RBFOX1: variants seen among roughly 807,000 people sequenced by gnomAD.
The protein encoded by RBFOX1 is RNA binding fox-1 homolog 1, also known as RNA binding protein fox-1 homolog 1.
RBFOX1 carries 8 observed loss-of-function variants against 57.7 expected under a neutral mutation model. The observed-to-expected ratio is 0.14, with a 90% CI of 0.08 to 0.25. RBFOX1 has a LOEUF of 0.25. Ranked by LOEUF, RBFOX1 falls within the 10% of genes least tolerant of loss-of-function variation. The pLI is 1.00. For missense variants in RBFOX1, 611 were observed against 548.5 expected (o/e 1.11, Z -1.14); for synonymous variants, 326 against 222.4 (o/e 1.47, Z -4.15).
At chr16:6,830,714 C>T (rs922990521) in intron 3 of RBFOX1, among the ~76,000 whole-genome samples, 3 of 152,162 alleles carry the variant, frequency 2.0e-5, no homozygotes, top group African/African-American at 7.2e-5. Context: ...GTTGCTCTAT[C>T]ATGGTTAAAA....
intron 3 of RBFOX1, among the ~76,000 whole-genome samples, chr16:6,819,970 G>C (rs549935765): frequency 7.9e-5 from 12 of 152,240 alleles, no homozygotes; most frequent in African/African-American, 2.6e-4. Context: ...TCCTCTGGCT[G>C]TGTCCCCACC....
chr16:5,834,018 T>C (rs2056371291), intron 3 of RBFOX1, among the ~76,000 whole-genome samples: 1 of 152,172 alleles, frequency 6.6e-6, no homozygotes, highest in South Asian at 2.1e-4. Context: ...GATACAGATT[T>C]TTATCCTCAG....
intron 3 of RBFOX1, among the ~76,000 whole-genome samples, chr16:7,037,392 C>G (rs1368229103): frequency 1.3e-5 from 2 of 152,002 alleles, no homozygotes; most frequent in African/African-American, 4.8e-5. Flanking sequence ...TAGGCATACA[C>G]CACCATGCCA....
At chr16:5,646,193 T>TG (rs2049050410) in intron 3 of RBFOX1, among the ~76,000 whole-genome samples, 3 of 147,720 alleles carry the variant, frequency 2.0e-5, no homozygotes, top group African/African-American at 7.8e-5. Context: ...TTTTTTTTTT[T>TG]TTTTTGTATT....
At position 5,789,192 on chromosome 16, in the gene RBFOX1, C is replaced by T. The variant is rs1406039503; in HGVS notation, c.319-78111C>T. Among the ~76,000 whole-genome samples, 5 of 152,308 alleles carry T rather than the reference C, an allele frequency of 3.3e-5. No homozygotes were observed. In the East Asian group the frequency reaches 9.7e-4, roughly 29 times the overall value. ...ATACATGGCAGCTGGTGAATTGAAG[C>T]ATTTGTCTTAGCTCTGCCATCCTAT... On this transcript the variant is annotated intron_variant, in intron 3 of 19. Transcript: ENST00000641259.
intron 2 of RBFOX1, among the ~76,000 whole-genome samples, chr16:5,547,260 C>T (rs1439723551): frequency 6.6e-6 from 1 of 152,126 alleles, no homozygotes; most frequent in Non-Finnish European, 1.5e-5. Flanking sequence ...AGGTATTTAT[C>T]CATGAGAAAA....
chr16:6,118,616 T>C (rs1452243605), intron 1 of RBFOX1, among the ~76,000 whole-genome samples: 1 of 151,680 alleles, frequency 6.6e-6, no homozygotes, highest in Non-Finnish European at 1.5e-5. Flanking sequence ...TCTCTCTTGC[T>C]CTCCTCCCTC....
chr16:5,611,613 T>C (rs972927757), intron 3 of RBFOX1, among the ~76,000 whole-genome samples: 4 of 152,038 alleles, frequency 2.6e-5, no homozygotes, highest in Non-Finnish European at 5.9e-5. Context: ...AAACTAGTGA[T>C]TCACCTATCC....
intron 4 of RBFOX1, chr16:7,304,240 G>T: frequency 1.0e-6 from 1 of 983,180 alleles, no homozygotes; most frequent in Non-Finnish European, 1.2e-6. Context: ...GAGAGAGAGA[G>T]AGAGAGACAG....
chr16:6,417,008 C>T (rs919734664), intron 2 of RBFOX1, among the ~76,000 whole-genome samples: 1 of 151,902 alleles, frequency 6.6e-6, no homozygotes, highest in African/African-American at 2.4e-5. Flanking sequence ...GATCATTCCT[C>T]TTTCTTTCTT....
At chr16:7,456,366 A>T (rs183582179) in intron 4 of RBFOX1, among the ~76,000 whole-genome samples, 1 of 152,334 alleles carries the variant, frequency 6.6e-6, no homozygotes, top group East Asian at 1.9e-4. Flanking sequence ...ATAGTCACCC[A>T]AGTACATCTG....
chr16:6,226,497 C>A (rs2097419530), intron 1 of RBFOX1, among the ~76,000 whole-genome samples: 1 of 151,982 alleles, frequency 6.6e-6, no homozygotes, highest in African/African-American at 2.4e-5. Flanking sequence ...AGTGCATTGC[C>A]CATGACCACT....
intron 2 of RBFOX1, among the ~76,000 whole-genome samples, chr16:6,514,665 A>G (rs940644768): frequency 2.6e-5 from 4 of 152,124 alleles, no homozygotes; most frequent in African/African-American, 9.7e-5. Context: ...TAACATGACC[A>G]CAAAAATGGT....
chr16:5,594,389 C>T (rs1175872121), intron 2 of RBFOX1, among the ~76,000 whole-genome samples: 1 of 152,112 alleles, frequency 6.6e-6, no homozygotes, highest in Non-Finnish European at 1.5e-5. Flanking sequence ...GTTTATTTTT[C>T]CAGGGTTGAG....
chr16:7,124,384 A>T (rs994093594), intron 4 of RBFOX1, among the ~76,000 whole-genome samples: 3 of 152,192 alleles, frequency 2.0e-5, no homozygotes, highest in African/African-American at 4.8e-5. Flanking sequence ...ACTGCACGCT[A>T]GCCCAGGTGA....
chr16:6,590,319 A>G (rs1256992591), intron 2 of RBFOX1, among the ~76,000 whole-genome samples: 1 of 152,120 alleles, frequency 6.6e-6, no homozygotes, highest in Admixed American at 6.5e-5. Context: ...GGCCTCAACC[A>G]TCGGATTTGC....
At chr16:7,481,256 C>T (rs1296272246) in intron 4 of RBFOX1, among the ~76,000 whole-genome samples, 1 of 152,136 alleles carries the variant, frequency 6.6e-6, no homozygotes, top group African/African-American at 2.4e-5. Flanking sequence ...CATAGAGCCC[C>T]CGTCTTCAGG....
chr16:7,575,784 A>G (rs902654667), intron 5 of RBFOX1, among the ~76,000 whole-genome samples: 2 of 152,178 alleles, frequency 1.3e-5, no homozygotes, highest in African/African-American at 4.8e-5. Context: ...AGGTCCCAGA[A>G]AAAAGAGAAA....
At chr16:7,112,133 T>C (rs867200042) in intron 4 of RBFOX1, among the ~76,000 whole-genome samples, 4 of 152,236 alleles carry the variant, frequency 2.6e-5, no homozygotes, top group Admixed American at 1.3e-4. Context: ...TGTTGAAATA[T>C]TAAAGTTCCT....
Sources: gnomAD v4.1 joint callset for allele counts (sites outside exome capture counted in the v4.1 genomes callset) on GRCh38, gnomAD v4.1.1 for gene constraint, MANE v1.5 for transcripts, NCBI Gene and HGNC (gene_info 2026-07-23, HGNC 2026-07-21) for gene names.